The following CCNY variants were observed in gnomAD, a reference collection of about 807,000 sequenced individuals.
CCNY encodes the protein cyclin Y, also known as cyclin-Y.
A neutral mutation model predicts 42.8 loss-of-function variants in CCNY; 19 were observed. The ratio of observed to expected loss-of-function variants is 0.44; its 90% CI spans 0.31 to 0.65. The LOEUF is 0.65. CCNY is among the 30% of genes least tolerant of loss of function. CCNY has a pLI of 0.07. For missense variants in CCNY, 370 were observed against 437.3 expected (o/e 0.85, Z 1.37); for synonymous variants, 165 against 162.7 (o/e 1.01, Z -0.11).
chr10:35,363,077 C>G (rs36107952), intron 1 of CCNY, among the ~76,000 whole-genome samples: 53 of 150,258 alleles, frequency 3.5e-4, no homozygotes, highest in Non-Finnish European at 4.7e-4. Flanking sequence ...GGTGGGCCGC[C>G]GGGCAGAGGC....
chr10:35,528,579 A>T (rs1482085280), intron 5 of CCNY, among the ~76,000 whole-genome samples: 7 of 152,130 alleles, frequency 4.6e-5, no homozygotes, highest in Non-Finnish European at 1.0e-4. Context: ...GCGCGTGCTT[A>T]TAATCCCAGC....
chr10:35,357,321 A>G (rs923788927), intron 1 of CCNY, among the ~76,000 whole-genome samples: 13 of 152,188 alleles, frequency 8.5e-5, no homozygotes, highest in African/African-American at 3.1e-4. Flanking sequence ...ATAGAAACAC[A>G]ATGAGGACAG....
chr10:35,402,306 A>G (rs1004116172), intron 1 of CCNY, among the ~76,000 whole-genome samples: 6 of 152,228 alleles, frequency 3.9e-5, no homozygotes, highest in African/African-American at 1.4e-4. Context: ...CGGAAGACAC[A>G]AGGTCCGAAT....
chr10:35,553,561 A>G (rs1488626988), intron 8 of CCNY, among the ~76,000 whole-genome samples: 2 of 152,232 alleles, frequency 1.3e-5, no homozygotes, highest in East Asian at 1.9e-4. Context: ...GCCGCCATAC[A>G]GTCCTTTGTG....
chr10:35,516,119 A>G (rs983979523), intron 3 of CCNY, among the ~76,000 whole-genome samples: 17 of 152,224 alleles, frequency 1.1e-4, no homozygotes, highest in Admixed American at 2.0e-4. Flanking sequence ...GAAAGTGGGT[A>G]CAGTGGACAC....
chr10:35,330,741 G>GAA (rs1459552259), intron 3 of CCNY, among the ~76,000 whole-genome samples: 2 of 151,014 alleles, frequency 1.3e-5, no homozygotes, highest in Non-Finnish European at 2.9e-5. Context: ...AAGAAGCAGA[G>GAA]AAGAGGCAGC....
chr10:35,418,559 G>A (rs185216900), intron 1 of CCNY, among the ~76,000 whole-genome samples: 22 of 152,284 alleles, frequency 1.4e-4, no homozygotes, highest in Admixed American at 1.2e-3. Context: ...TGGTGTGGTC[G>A]TGGTGCCCCA....
chr10:35,458,454 C>G (rs1839084828), intron 1 of CCNY, among the ~76,000 whole-genome samples: 1 of 152,166 alleles, frequency 6.6e-6, no homozygotes, highest in Non-Finnish European at 1.5e-5. Context: ...TCAGTAATTC[C>G]TCATTCAATA....
At chr10:35,564,328 G>A (rs1050495590) in intron 8 of CCNY, among the ~76,000 whole-genome samples, 14 of 152,096 alleles carry the variant, frequency 9.2e-5, no homozygotes, top group Non-Finnish European at 1.0e-4. Context: ...CTTCCTTGCC[G>A]CCTGCCCACA....
chr10:35,387,719 G>A (rs1428009740), intron 1 of CCNY, among the ~76,000 whole-genome samples: 1 of 152,136 alleles, frequency 6.6e-6, no homozygotes, highest in East Asian at 1.9e-4. Context: ...TAAATGTTTG[G>A]GTTTTGTGTA....
intron 1 of CCNY, chr10:35,449,696 T>C: frequency 1.0e-6 from 1 of 965,426 alleles, no homozygotes; most frequent in Non-Finnish European, 1.2e-6. Context: ...GGGAGGTACC[T>C]TTTTAGGGAC....
chr10:35,509,575 C>T (rs1840281577), intron 3 of CCNY, among the ~76,000 whole-genome samples: 1 of 152,202 alleles, frequency 6.6e-6, no homozygotes. Flanking sequence ...TGTGCCTAAC[C>T]TGTACCTTCT....
In CCNY at chr10:35,426,109, GCGCACACACACA is replaced by G. The variant is rs1474771937; in HGVS notation, c.155-57293_155-57282del. On this transcript the variant is annotated intron_variant, in intron 1 of 9. Transcript: ENST00000374704. ...TCTTCTCCCTTCACTGGTCCAGCAC[GCGCACACACACA>G]CACACACACACACACACACACACAC... Among the ~76,000 whole-genome samples, 435 of 111,762 alleles carry G rather than the reference GCGCACACACACA, an allele frequency of 3.9e-3. 3 individuals are homozygous for G. Among genetic ancestry groups the G allele is most frequent in the African/African-American group, 9.2e-3 (253 of 27,608 alleles). The allele number at this position is 111,762 out of a possible 152,430, so 73.3% of individuals were successfully genotyped here. A position where few individuals can be genotyped will look rare whatever the true frequency, so the allele number is the denominator to read the frequency against.
chr10:35,563,439 C>CTTACTATTGGGAGAATACGCTTTGCAG (rs1841505121), intron 8 of CCNY, among the ~76,000 whole-genome samples: 1 of 152,118 alleles, frequency 6.6e-6, no homozygotes, highest in Non-Finnish European at 1.5e-5. Flanking sequence ...GACTTTTCTT[C>CTTACTATTGGGAGAATACGCTTTGCAG]TTACTATTGG....
At chr10:35,273,190 T>TC (rs764187707) in intron 3 of CCNY, among the ~76,000 whole-genome samples, 2 of 151,866 alleles carry the variant, frequency 1.3e-5, no homozygotes, top group Non-Finnish European at 2.9e-5. Flanking sequence ...CTCCTCATCC[T>TC]CCTCATTCTT....
At chr10:35,380,771 C>T (rs75598449) in intron 1 of CCNY, among the ~76,000 whole-genome samples, 8 of 152,208 alleles carry the variant, frequency 5.3e-5, no homozygotes, top group African/African-American at 1.9e-4. Context: ...TGTGACTTCA[C>T]CCTCTCTGCT....
chr10:35,365,829 T>C (rs887832637), intron 1 of CCNY, among the ~76,000 whole-genome samples: 1 of 152,250 alleles, frequency 6.6e-6, no homozygotes, highest in South Asian at 2.1e-4. Context: ...TCTTCTGTTA[T>C]CTGAAAATTA....
At chr10:35,510,608 ACT>A (rs1589168397) in intron 3 of CCNY, among the ~76,000 whole-genome samples, 1 of 152,148 alleles carries the variant, frequency 6.6e-6, no homozygotes, top group East Asian at 1.9e-4. Context: ...AAGCCTAGAG[ACT>A]CTTAAGTGTT....
intron 3 of CCNY, among the ~76,000 whole-genome samples, chr10:35,325,257 C>T (rs1238247578): frequency 2.6e-5 from 4 of 152,220 alleles, no homozygotes; most frequent in African/African-American, 9.6e-5. Context: ...CGGCTCACTG[C>T]AACCTCTGCC....
Sources: gnomAD v4.1 joint callset for allele counts (sites outside exome capture counted in the v4.1 genomes callset) on GRCh38, gnomAD v4.1.1 for gene constraint, MANE v1.5 for transcripts, NCBI Gene and HGNC (gene_info 2026-07-23, HGNC 2026-07-21) for gene names.